Variants in FAM163A observed in about 807,000 individuals in gnomAD.
FAM163A encodes the protein family with sequence similarity 163 member A, also known as protein FAM163A.
In FAM163A, 7 loss-of-function variants were observed where a neutral mutation model predicts 12.0. The observed-to-expected ratio is 0.58, with a 90% confidence interval of 0.33 to 1.10. The LOEUF is 1.10. Ranked by LOEUF, FAM163A falls within the 50% of genes least tolerant of loss-of-function variation. The pLI, the probability that FAM163A is intolerant of heterozygous loss-of-function variation, is 0.03. For synonymous variants in FAM163A, 101 were observed against 91.0 expected, an observed-to-expected ratio of 1.11 and a Z score of -0.62; for missense variants, 202 against 218.6, an observed-to-expected ratio of 0.92 and a Z score of 0.48.
intron 1 of FAM163A, among the ~76,000 whole-genome samples, chr1:179,795,583 C>T (rs1053748256): frequency 2.6e-5 from 4 of 152,198 alleles, no homozygotes; most frequent in Middle Eastern, 3.2e-3. Flanking sequence ...TGGACTCCCC[C>T]GTCTTCAGAA....
rs980264029 is a variant in FAM163A, at chr1:179,789,389, C to A, written c.-135-18409C>A. 2.0e-5 allele frequency among the ~76,000 whole-genome samples: 3 copies of A among 152,348 alleles called. No homozygotes were observed. In the South Asian group the frequency reaches 6.2e-4, roughly 32 times the overall value. ...TAGAGATGGGGTTTCACCTTGTTGG[C>A]CAGGTTGGTCTTGAACTCCTGACCT... is the stretch of plus-strand genomic sequence containing the variant. On this transcript the variant is annotated intron_variant, in intron 1 of 4. Transcript: ENST00000341785.
intron 1 of FAM163A, among the ~76,000 whole-genome samples, chr1:179,749,069 A>G (rs1477807729): frequency 1.3e-5 from 2 of 152,178 alleles, no homozygotes; most frequent in Admixed American, 6.5e-5. Flanking sequence ...CACTGTGACT[A>G]TTTCAGTGGG....
chr1:179,782,750 A>G (rs1182074125), intron 1 of FAM163A, among the ~76,000 whole-genome samples: 3 of 152,204 alleles, frequency 2.0e-5, no homozygotes, highest in East Asian at 3.8e-4. Context: ...CTTTCATGTT[A>G]CAGAGGAGGC....
In FAM163A at chr1:179,813,784, C is replaced by T; in HGVS notation, c.99C>T (p.Tyr33=). ...AVLCYCRLQY[Y]CCKKSGTEVA... is the part of the protein sequence containing the mutation. ...CCCTCTGCCCTTCCGCACAGTATTA[C>T]TGCTGCAAGAAGAGCGGAACCGAGG... Residue 33 remains tyrosine (Y), a synonymous_variant, in exon 5 of 5, where the codon TAC becomes TAT. Transcript: ENST00000341785. 6.2e-7 allele frequency: 1 copy of T among 1,613,912 alleles called. No homozygotes were observed. The highest frequency in any genetic ancestry group is 8.5e-7 in the Non-Finnish European group (1 of 1,180,012).
chr1:179,778,455 A>AGAGGGTGAG (rs1401904732), intron 1 of FAM163A, among the ~76,000 whole-genome samples: 1 of 152,200 alleles, frequency 6.6e-6, no homozygotes, highest in Non-Finnish European at 1.5e-5. Context: ...TAGGAATTCC[A>AGAGGGTGAG]GAGGGTGAGG....
chr1:179,783,826 TTATA>T lies in FAM163A; in HGVS notation c.-135-23965_-135-23962del, dbSNP rs1047294828. Among the ~76,000 whole-genome samples, 45 of 114,034 alleles carry T rather than the reference TTATA, an allele frequency of 3.9e-4. 1 individual carries two copies. The highest frequency in any genetic ancestry group is 2.2e-4 in the Non-Finnish European group (11 of 50,108). The allele number at this position is 114,034 out of a possible 152,430, so 74.8% of individuals were successfully genotyped here. A position where few individuals can be genotyped will look rare whatever the true frequency, so the allele number is the denominator to read the frequency against. On this transcript the variant is annotated intron_variant, in intron 1 of 4. Coordinates refer to ENST00000341785, the MANE Select transcript of FAM163A (RefSeq NM_173509.3). ...TATATAATTCCCAAATATTATATAATTATATATATAAATTGTATAATTTTATATA... is the reference window on the plus strand; with the variant it reads ...TATATAATTCCCAAATATTATATAATTATATAAATTGTATAATTTTATATA...
intron 1 of FAM163A, among the ~76,000 whole-genome samples, chr1:179,797,181 T>C (rs1052416131): frequency 1.3e-5 from 2 of 152,178 alleles, no homozygotes; most frequent in Non-Finnish European, 2.9e-5. Context: ...GTGCGACGGC[T>C]CACACCTGTG....
intron 1 of FAM163A, among the ~76,000 whole-genome samples, chr1:179,773,913 G>T (rs1688599813): frequency 6.6e-6 from 1 of 152,210 alleles, no homozygotes; most frequent in South Asian, 2.1e-4. Flanking sequence ...AACAGAGAAT[G>T]AAAATGACTT....
At chr1:179,730,524 A>T in the FAM163A span, 1 of 152,208 alleles carries the variant, frequency 6.6e-6, no homozygotes, top group African/African-American at 2.4e-5. Context: ...ATTTGATATA[A>T]AGTAGAAACT....
chr1:179,774,103 G>A (rs1286906295), intron 1 of FAM163A, among the ~76,000 whole-genome samples: 1 of 152,232 alleles, frequency 6.6e-6, no homozygotes, highest in African/African-American at 2.4e-5. Context: ...GCCAGCACCA[G>A]CTGCTTTCTC....
upstream of FAM163A, among the ~76,000 whole-genome samples, chr1:179,739,808 G>A (rs1464917675): frequency 2.0e-5 from 3 of 152,190 alleles, no homozygotes; most frequent in Non-Finnish European, 4.4e-5. Flanking sequence ...CCCTGAAGAC[G>A]TCTGACATCA....
chr1:179,795,531 C>T (rs1031634996), intron 1 of FAM163A, among the ~76,000 whole-genome samples: 3 of 152,248 alleles, frequency 2.0e-5, no homozygotes, highest in South Asian at 4.1e-4. Flanking sequence ...CACTCACCTT[C>T]TGCCATCGGA....
intron 4 of FAM163A, 63 bp downstream of exon 4, chr1:179,813,253 G>T: frequency 6.8e-7 from 1 of 1,474,022 alleles, no homozygotes. Flanking sequence ...TTTTCATTAT[G>T]GGGGCAGAAA....
At chr1:179,745,602 A>G (rs909280607) in intron 1 of FAM163A, among the ~76,000 whole-genome samples, 2 of 152,236 alleles carry the variant, frequency 1.3e-5, no homozygotes, top group Non-Finnish European at 2.9e-5. Context: ...GGGTCTGTCC[A>G]TTGTGAAAAG....
At chr1:179,787,952 C>G (rs1294507249) in intron 1 of FAM163A, among the ~76,000 whole-genome samples, 5 of 152,208 alleles carry the variant, frequency 3.3e-5, no homozygotes, top group African/African-American at 1.2e-4. Flanking sequence ...ACCTGGATGT[C>G]AACCAGGCTT....
At chr1:179,792,283 TTGTGTGTGTGTGTGTG>T (rs3075152) in intron 1 of FAM163A, among the ~76,000 whole-genome samples, 23 of 133,566 alleles carry the variant, frequency 1.7e-4, no homozygotes, top group Non-Finnish European at 3.0e-4. Flanking sequence ...CCATATCTGA[TTGTGTGTGTGTGTGTG>T]TGTGTGTGTG....
intron 1 of FAM163A, among the ~76,000 whole-genome samples, chr1:179,758,623 T>C (rs1235994296): frequency 6.6e-6 from 1 of 152,240 alleles, no homozygotes; most frequent in African/African-American, 2.4e-5. Context: ...CTTCTTCCAC[T>C]CCCTAGCTGC....
intron 1 of FAM163A, among the ~76,000 whole-genome samples, chr1:179,800,351 A>AC (rs1204439861): frequency 1.1e-4 from 16 of 152,240 alleles, no homozygotes; most frequent in Admixed American, 2.6e-4. Flanking sequence ...CTTGCCCTTG[A>AC]CAGGCATCCA....
chr1:179,733,586 G>C, the FAM163A span, among the ~76,000 whole-genome samples: 1 of 152,066 alleles, frequency 6.6e-6, no homozygotes, highest in Non-Finnish European at 1.5e-5. Flanking sequence ...CTAATTCCAA[G>C]GCCTTGTGAG....
Sources: allele counts gnomAD v4.1 joint callset (sites outside exome capture counted in the v4.1 genomes callset), GRCh38; gene constraint gnomAD v4.1.1; transcripts MANE v1.5; gene names NCBI Gene and HGNC (gene_info 2026-07-23, HGNC 2026-07-21).